Variants in AZIN2 observed in about 807,000 individuals in gnomAD.
AZIN2 encodes antizyme inhibitor 2, also known as ODC antizyme inhibitor-2.
AZIN2 carries 28 observed loss-of-function variants against 47.8 expected under a neutral mutation model. That is an observed-to-expected ratio of 0.59 (90% confidence interval 0.43 to 0.80). The LOEUF (loss-of-function observed/expected upper bound fraction) is 0.80, where lower values mean the gene tolerates loss of function less well. Among genes scored for constraint, AZIN2 ranks in the 30% least tolerant of loss-of-function variants. AZIN2 has a pLI of 0.00. For missense variants in AZIN2, 535 were observed against 582.5 expected (o/e 0.92, Z 0.84); for synonymous variants, 221 against 239.4 (o/e 0.92, Z 0.71).
At position 33,123,044 on chromosome 1, in the gene AZIN2, T is replaced by C. The variant is rs920745295; in HGVS notation, c.*2862T>C. Among the ~76,000 whole-genome samples, 3 of 152,148 alleles carry C rather than the reference T, an allele frequency of 2.0e-5. No homozygotes were observed. Among genetic ancestry groups the C allele is most frequent in the African/African-American group, 7.2e-5 (3 of 41,424 alleles). ...GCACTGGGTCCTGGCCACACTGGCC[T>C]CCCCTCTGTTCTTCAAACACTCCAC... On this transcript the variant is annotated 3_prime_UTR_variant, in exon 12 of 12. Coordinates refer to ENST00000294517, the MANE Select transcript of AZIN2 (RefSeq NM_052998.4).
intron 4 of AZIN2, chr1:33,083,072 C>G (rs57603004): frequency 0.026 from 4,039 of 152,736 alleles, 186 homozygotes; most frequent in African/African-American, 0.091. Context: ...GGCAGATTTT[C>G]TATTTTCTTT....
At chr1:33,105,407 C>T (rs141346621) in intron 10 of AZIN2, among the ~76,000 whole-genome samples, 54 of 151,316 alleles carry the variant, frequency 3.6e-4, no homozygotes, top group African/African-American at 1.3e-3. Flanking sequence ...TCTCACACTG[C>T]CAAAAAGGAA....
At chr1:33,092,873 G>A (rs1204620748) in intron 6 of AZIN2, among the ~76,000 whole-genome samples, 1 of 152,212 alleles carries the variant, frequency 6.6e-6, no homozygotes, top group Non-Finnish European at 1.5e-5. Context: ...AGGGGCCTTG[G>A]GGTGAAGGGG....
At chr1:33,095,117 A>T (rs1643003892) in intron 8 of AZIN2, among the ~76,000 whole-genome samples, 1 of 152,160 alleles carries the variant, frequency 6.6e-6, no homozygotes, top group Admixed American at 6.5e-5. Context: ...CTCTTCCTCT[A>T]TTCCCTTTTC....
rs1472679640 is a variant in AZIN2 at position 33,121,326 on chromosome 1, G to A, written c.*1144G>A. Among the ~76,000 whole-genome samples, 1 of 152,238 alleles carries A rather than the reference G, an allele frequency of 6.6e-6. No individual in the cohort carries two copies. The highest frequency in any genetic ancestry group is 1.5e-5 in the Non-Finnish European group (1 of 68,044). ...CACCTGTAATCCCAGCACTTTGGGA[G>A]GCTGAGGCAGGTGATCACCTGAGGT... is the stretch of plus-strand genomic sequence containing the variant. On this transcript the variant is annotated 3_prime_UTR_variant, in exon 12 of 12. Transcript: ENST00000294517.
chr1:33,094,001 G>A (rs1036245071), intron 7 of AZIN2, among the ~76,000 whole-genome samples: 16 of 152,164 alleles, frequency 1.1e-4, no homozygotes, highest in Middle Eastern at 3.2e-3. Flanking sequence ...CCAAAGTGCT[G>A]GGATTACAGG....
rs535983860 is a variant in AZIN2, at chr1:33,113,138, C to T, written c.1030-4764C>T. On this transcript the variant is annotated intron_variant, in intron 10 of 11. Transcript: ENST00000294517. The surrounding 1 kb of genome is among the most constrained non-coding windows in gnomAD (Gnocchi z 4.1). ...GGACTACAGGCGCCCGCCACCATGC[C>T]TGGAGAGATGGGGTAGAGATGGGGT... is the stretch of plus-strand genomic sequence containing the variant. Among the ~76,000 whole-genome samples, 34 of 152,274 alleles carry T rather than the reference C, an allele frequency of 2.2e-4. 1 individual carries two copies. The South Asian group carries it at 7.0e-3, about 32-fold the overall frequency.
chr1:33,116,996 C>T (rs993572989), intron 10 of AZIN2, among the ~76,000 whole-genome samples: 7 of 152,174 alleles, frequency 4.6e-5, no homozygotes, highest in African/African-American at 1.7e-4. Context: ...TGGCAAGATC[C>T]CTGCCTACAC....
chr1:33,102,857 A>G (rs1161977139), intron 10 of AZIN2, among the ~76,000 whole-genome samples: 1 of 152,160 alleles, frequency 6.6e-6, no homozygotes. Flanking sequence ...CTTGTTCAGA[A>G]CTGAACTCTT....
chr1:33,081,829 CTG>C lies in AZIN2; in HGVS notation c.-73+18_-73+19del. ...ACCCTCTAGGTGGGCGTGGTCAAGA[CTG>C]GGGGCGCCCTGGAAACTTCCCCACC... On this transcript the variant is annotated intron_variant, in intron 3 of 11. Transcript: ENST00000294517. This position sits in a 1 kb window ranked among gnomAD's most constrained non-coding sequence, Gnocchi z 4.2. The C allele has an allele frequency of 1.1e-5, 3 of 271,302 alleles. No homozygotes were observed. The highest frequency in any genetic ancestry group is 9.8e-5 in the South Asian group (3 of 30,464). 16.8% of individuals were successfully genotyped at this position (271,302 alleles called of 1,614,324 possible).
At chr1:33,109,660 A>G (rs1382988124) in intron 10 of AZIN2, among the ~76,000 whole-genome samples, 3 of 151,576 alleles carry the variant, frequency 2.0e-5, no homozygotes, top group African/African-American at 7.3e-5. Context: ...GAAATTTTTA[A>G]TTTTAATAAA....
chr1:33,092,444 C>T (rs940930231), intron 6 of AZIN2, among the ~76,000 whole-genome samples: 2 of 152,048 alleles, frequency 1.3e-5, no homozygotes, highest in African/African-American at 2.4e-5. Flanking sequence ...CTGGACTGAA[C>T]CCAGGATGCT....
At chr1:33,151,478 A>T in the AZIN2 span, among the ~76,000 whole-genome samples, 1 of 152,074 alleles carries the variant, frequency 6.6e-6, no homozygotes, top group Admixed American at 6.5e-5. Context: ...TAGGGCTAAC[A>T]GGAGTAACAA....
the AZIN2 span, among the ~76,000 whole-genome samples, chr1:33,156,145 GT>G: frequency 9.8e-5 from 15 of 152,326 alleles, no homozygotes; most frequent in African/African-American, 3.6e-4. Context: ...AGTCAAGACT[GT>G]CACTCCTGCA....
Position 33,096,711 on chromosome 1 carries a change from C to T in AZIN2, c.758C>T (p.Ala253Val), listed in dbSNP as rs145723160. ...EGAKVRFEEI[A>V]SVINSALDLY... ...TCCCCATTCTCCTCCTACCAGATTG[C>T]TTCCGTGATCAACTCAGCCTTGGAC... The change falls in exon 9 of 12, where the codon GCT becomes GTT. Residue 253 changes from alanine to valine, a missense_variant. By Grantham distance (64) the Ala-to-Val change is moderately conservative. This residue lies in a region of AZIN2 where 409 missense variants were observed against 429.0 expected (regional missense o/e 0.95). Coordinates refer to ENST00000294517, the MANE Select transcript of AZIN2 (RefSeq NM_052998.4). The T allele has an allele frequency of 2.2e-4, 357 of 1,614,246 alleles. 2 individuals are homozygous for T. The African/African-American group carries it at 2.9e-3, about 13-fold the overall frequency.
intron 5 of AZIN2, among the ~76,000 whole-genome samples, chr1:33,091,432 G>A (rs1284152213): frequency 6.6e-6 from 1 of 152,082 alleles, no homozygotes; most frequent in East Asian, 1.9e-4. Context: ...TAGAGATGGG[G>A]TTTTGCCATG....
the AZIN2 span, among the ~76,000 whole-genome samples, chr1:33,149,758 A>G: frequency 6.6e-6 from 1 of 152,080 alleles, no homozygotes; most frequent in Non-Finnish European, 1.5e-5. Context: ...CCTGGCCTGA[A>G]ATTCTTTAGC....
intron 9 of AZIN2, among the ~76,000 whole-genome samples, chr1:33,097,389 A>G (rs1305593094): frequency 6.6e-6 from 1 of 152,116 alleles, no homozygotes; most frequent in Non-Finnish European, 1.5e-5. Context: ...CAGTGTGGGG[A>G]TTCAAGTTCA....
intron 10 of AZIN2, among the ~76,000 whole-genome samples, chr1:33,116,929 C>T (rs950682241): frequency 1.3e-5 from 2 of 152,162 alleles, no homozygotes; most frequent in Non-Finnish European, 2.9e-5. Flanking sequence ...GAGAAGAGGC[C>T]TCTCAGAGGG....
Sources: allele counts gnomAD v4.1 joint callset (sites outside exome capture counted in the v4.1 genomes callset), GRCh38; gene constraint gnomAD v4.1.1; regional missense constraint gnomAD v4.1.1; non-coding constraint Gnocchi (gnomAD v3.1); transcripts MANE v1.5; gene names NCBI Gene and HGNC (gene_info 2026-07-23, HGNC 2026-07-21).